Variants in NLRP8 observed in about 807,000 individuals in gnomAD.
NLRP8 encodes NLR family pyrin domain containing 8, also known as NACHT, LRR and PYD domains-containing protein 8.
Under a neutral mutation model 88.7 loss-of-function variants are expected in NLRP8, and 86 were observed. That is an observed-to-expected ratio of 0.97 (90% CI 0.81 to 1.16). NLRP8 has a LOEUF of 1.16. Ranked by LOEUF, NLRP8 falls within the 50% of genes most tolerant of loss-of-function variation. The pLI is 0.00. For missense variants in NLRP8, 1,342 were observed against 1,286.5 expected, an observed-to-expected ratio of 1.04 and a Z score of -0.66; for synonymous variants, 504 against 494.6, an observed-to-expected ratio of 1.02 and a Z score of -0.25.
chr19:55,955,291 G>C lies in NLRP8; in HGVS notation c.1233G>C (p.Glu411Asp), dbSNP rs781612277. The C allele has an allele frequency of 6.2e-6, 10 of 1,614,150 alleles. No homozygotes were observed. The highest frequency in any genetic ancestry group is 8.5e-6 in the Non-Finnish European group (10 of 1,180,036). The stretch of plus-strand genomic sequence containing the variant: ...GCTCTGGTCTGAAACAGCAAATGGA[G>C]AGAGGAAACAATCTCACACAGTCAT... Residue 411 changes from glutamate to aspartate, a missense_variant, in exon 3 of 10, where the codon GAG becomes GAC. By Grantham distance (45) the Glu-to-Asp change is conservative. Coordinates refer to ENST00000291971, the MANE Select transcript of NLRP8 (RefSeq NM_176811.2).
chr19:55,966,741 G>T (rs564304651), intron 5 of NLRP8, among the ~76,000 whole-genome samples: 1 of 152,044 alleles, frequency 6.6e-6, no homozygotes, highest in Non-Finnish European at 1.5e-5. Context: ...GCTTCAGCCC[G>T]GTAGGTGGTG....
rs375728438 is a variant in NLRP8, at chr19:55,973,671, A to G, written c.2554A>G (p.Thr852Ala). Residue 852 changes from threonine to alanine, a missense_variant, in exon 7 of 10, where the codon ACA becomes GCA. By Grantham distance (58) the Thr-to-Ala change is moderately conservative. Transcript: ENST00000291971. The stretch of plus-strand genomic sequence containing the variant: ...CCATAGGATAGAGAACTGCAACCTT[A>G]CACAGCTTACTTGTGAAAGCCTTGC... The G allele has an allele frequency of 6.2e-7, 1 of 1,613,112 alleles. No homozygotes were observed. The highest frequency in any genetic ancestry group is 2.2e-5 in the East Asian group (1 of 44,858).
At chr19:55,982,291 G>A (rs1980607150) in intron 9 of NLRP8, among the ~76,000 whole-genome samples, 1 of 152,132 alleles carries the variant, frequency 6.6e-6, no homozygotes, top group African/African-American at 2.4e-5. Context: ...CCCACTGCTA[G>A]GTATATACCC....
intron 3 of NLRP8, among the ~76,000 whole-genome samples, chr19:55,957,524 A>G (rs555381082): frequency 1.3e-5 from 2 of 151,934 alleles, no homozygotes; most frequent in South Asian, 4.2e-4. Context: ...CGTTTCTACT[A>G]AAAACACAAA....
chr19:55,954,453 A>G (rs560967680), intron 2 of NLRP8, 48 bp from the exon 3 acceptor site: 19 of 1,565,946 alleles, frequency 1.2e-5, no homozygotes, highest in South Asian at 9.6e-5. Context: ...AGTTCTTGCA[A>G]TTCACTCTGA....
At chr19:55,976,101 T>A (rs765266724) in intron 7 of NLRP8, 32 bp from the exon 8 acceptor site, 36 of 1,538,654 alleles carry the variant, frequency 2.3e-5, no homozygotes, top group Non-Finnish European at 3.0e-5. Flanking sequence ...TAGTTGTTGT[T>A]GTTGTTGTTT....
intron 4 of NLRP8, among the ~76,000 whole-genome samples, chr19:55,963,420 G>A (rs636728): frequency 0.99 from 150,337 of 152,356 alleles, 74,187 homozygotes; most frequent in East Asian, 1. Context: ...CCTTAAGCTC[G>A]TCTTCCCCAA....
rs368945709 is a variant in NLRP8 at position 55,948,191 on chromosome 19, G to A, written c.289G>A (p.Ala97Thr). ...GATAGAGCGTTTCCCTGGACGACGC[G>A]CTTGGGATGTGACTTCGAACATCTT... Residue 97 changes from alanine to threonine, a missense_variant, in exon 1 of 10, where the codon GCT becomes ACT. Physicochemically the swap from Ala to Thr is moderately conservative, Grantham distance 58 (BLOSUM62 0). Coordinates refer to ENST00000291971, the MANE Select transcript of NLRP8 (RefSeq NM_176811.2). 8.7e-5 allele frequency: 141 copies of A among 1,614,138 alleles called. No homozygotes were observed. Among genetic ancestry groups the A allele is most frequent in the East Asian group, 5.8e-4 (26 of 44,866 alleles).
chr19:55,962,082 T>A lies in NLRP8; in HGVS notation c.2058T>A (p.Asn686Lys), dbSNP rs765211383. The A allele has an allele frequency of 1.9e-6, 3 of 1,614,052 alleles. No individual in the cohort carries two copies. The highest frequency in any genetic ancestry group is 2.2e-5 in the South Asian group (2 of 91,072). ...TTCCATGTAGAGCGCCAGAGAGCAA[T>A]GGGCTGCATCGTTGGTGGCAAGACT... The change falls in exon 4 of 10, where the codon AAT (asparagine) becomes AAA (lysine). Residue 686 changes from asparagine (N) to lysine (K), a missense_variant. Transcript: ENST00000291971.
intron 3 of NLRP8, 29 bp from the exon 4 acceptor site, chr19:55,962,038 G>A: frequency 6.2e-7 from 1 of 1,605,260 alleles, no homozygotes; most frequent in South Asian, 1.1e-5. Context: ...TAACGAAGAG[G>A]TGTTTTCTCT....
intron 9 of NLRP8, among the ~76,000 whole-genome samples, chr19:55,980,028 A>G (rs899090397): frequency 1.1e-4 from 16 of 152,018 alleles, no homozygotes; most frequent in African/African-American, 3.4e-4. Context: ...AGCTGTTCAA[A>G]CCCCCAACTC....
chr19:55,957,835 C>T (rs781239093), intron 3 of NLRP8, among the ~76,000 whole-genome samples: 6 of 151,452 alleles, frequency 4.0e-5, no homozygotes, highest in African/African-American at 1.5e-4. Context: ...TCCTCATCCC[C>T]TCCACTCGAC....
At chr19:55,963,932 G>A (rs561771966) in intron 4 of NLRP8, among the ~76,000 whole-genome samples, 17 of 152,220 alleles carry the variant, frequency 1.1e-4, no homozygotes, top group Non-Finnish European at 1.9e-4. Context: ...CTTTGCACAT[G>A]AATGCTCTTA....
At chr19:55,975,147 C>T (rs562116373) in intron 7 of NLRP8, among the ~76,000 whole-genome samples, 1 of 152,174 alleles carries the variant, frequency 6.6e-6, no homozygotes, top group African/African-American at 2.4e-5. Flanking sequence ...CATCGAATCC[C>T]CTCTTTATTT....
chr19:55,981,714 G>A (rs1297510808), intron 9 of NLRP8, among the ~76,000 whole-genome samples: 2 of 152,066 alleles, frequency 1.3e-5, no homozygotes, highest in Admixed American at 1.3e-4. Context: ...CATGTTTAAG[G>A]AGCTCTAAAA....
At chr19:55,956,530 C>T (rs970768004) in intron 3 of NLRP8, among the ~76,000 whole-genome samples, 1 of 152,106 alleles carries the variant, frequency 6.6e-6, no homozygotes, top group Admixed American at 6.6e-5. Context: ...AGGCATGAGC[C>T]ATCGCACGCG....
chr19:55,948,038 A>G lies in NLRP8; in HGVS notation c.136A>G (p.Arg46Gly). 8 of 1,614,062 alleles carry G rather than the reference A, an allele frequency of 5.0e-6. No individual in the cohort carries two copies. The highest frequency in any genetic ancestry group is 6.8e-6 in the Non-Finnish European group (8 of 1,180,024). Residue 46 changes from arginine (R) to glycine (G), a missense_variant, in exon 1 of 10, where the codon AGA becomes GGA. Arg to Gly is a moderately radical substitution (Grantham distance 125). Transcript: ENST00000291971. ...TGAAAATGGGGTCATGCTGTACATG[A>G]GAAACGTGAGCCATGAGGAGCTACA...
intron 2 of NLRP8, among the ~76,000 whole-genome samples, chr19:55,954,204 C>A (rs539252347): frequency 1.3e-5 from 2 of 152,166 alleles, no homozygotes; most frequent in East Asian, 3.9e-4. Context: ...CTGAGAGAAT[C>A]GTGATGCTGC....
At chr19:55,983,333 G>A (rs138321208) in intron 9 of NLRP8, among the ~76,000 whole-genome samples, 2,919 of 151,694 alleles carry the variant, frequency 0.019, 86 homozygotes, top group East Asian at 0.053. Flanking sequence ...GCGTGGTGGT[G>A]CATGCCTGTA....
Sources: allele counts gnomAD v4.1 joint callset (sites outside exome capture counted in the v4.1 genomes callset), GRCh38; gene constraint gnomAD v4.1.1; transcripts MANE v1.5; gene names NCBI Gene and HGNC (gene_info 2026-07-23, HGNC 2026-07-21).